Variants in ATP2C2 observed in about 807,000 individuals in gnomAD.
ATP2C2 encodes the protein calcium-transporting ATPase type 2C member 2.
In ATP2C2, 171 loss-of-function variants were observed where a neutral mutation model predicts 110.8. That is an observed-to-expected ratio of 1.54 (90% CI 1.36 to 1.75). The LOEUF (loss-of-function observed/expected upper bound fraction) is 1.75, where lower values mean the gene tolerates loss of function less well. Among genes scored for constraint, ATP2C2 ranks in the 40% most tolerant of loss-of-function variants. The pLI is 0.00. For synonymous variants in ATP2C2, 804 were observed against 508.4 expected (o/e 1.58, Z -7.82); for missense variants, 1,963 against 1,235.0 (o/e 1.59, Z -8.84).
intron 11 of ATP2C2, among the ~76,000 whole-genome samples, chr16:84,438,587 G>A (rs555467015): frequency 5.3e-5 from 8 of 152,178 alleles, no homozygotes; most frequent in African/African-American, 1.2e-4. Flanking sequence ...GGGTCGCACC[G>A]TACAGGGAGA....
rs115015273 is a variant in ATP2C2, at chr16:84,389,711, C to T, written c.100-8788C>T. Among the ~76,000 whole-genome samples, 345 of 143,824 alleles carry T rather than the reference C, an allele frequency of 2.4e-3. 1 individual carries two copies. Among genetic ancestry groups the T allele is most frequent in the African/African-American group, 8.4e-3 (327 of 39,152 alleles). 94.4% of individuals were successfully genotyped at this position (143,824 alleles called of 152,430 possible). A position where few individuals can be genotyped will look rare whatever the true frequency, so the allele number is the denominator to read the frequency against. On this transcript the variant is annotated intron_variant, in intron 1 of 26. Transcript: ENST00000262429. ...GGCTCTGTGCTGGGAACTTCACTCT[C>T]ACTGTTTCCTTTTTTTTTTTTTTTT...
rs1406995115 is a variant in ATP2C2, at chr16:84,446,789, G to A, written c.1503+359G>A. Among the ~76,000 whole-genome samples, 8 of 152,202 alleles carry A rather than the reference G, an allele frequency of 5.3e-5. No individual in the cohort carries two copies. In the East Asian group the frequency reaches 1.5e-3, roughly 29 times the overall value. ...TGCAGATTCTGATGCAGGTGCAAAT[G>A]TTGAGATCGACCAGCCTGTAATCCA... On this transcript the variant is annotated intron_variant, in intron 16 of 26. Transcript: ENST00000262429.
intron 24 of ATP2C2, chr16:84,461,024 G>C: frequency 1.7e-6 from 1 of 579,786 alleles, no homozygotes; most frequent in Non-Finnish European, 2.9e-6. Flanking sequence ...GAACTACAGA[G>C]GCCAGCGGGG....
chr16:84,370,780 A>T (rs758155881), intron 1 of ATP2C2, among the ~76,000 whole-genome samples: 1 of 151,648 alleles, frequency 6.6e-6, no homozygotes, highest in Non-Finnish European at 1.5e-5. Context: ...CACATCCAGG[A>T]TGCCTGTAGG....
In ATP2C2 at chr16:84,453,325, C is replaced by G; in HGVS notation, c.1934C>G (p.Ser645Cys). Reference protein sequence around the residue: ...GELADRVGKVSVFFRTSPKHK... With the variant: ...GELADRVGKVCVFFRTSPKHK... ...CTTCCCCGTCTCCGTGTCCAGGTGT[C>G]CGTGTTCTTCAGGACCAGCCCAAAG... Residue 645 changes from serine (S) to cysteine (C), a missense_variant, in exon 20 of 27, where the codon TCC becomes TGC. Physicochemically the swap from Ser to Cys is moderately radical, Grantham distance 112. Coordinates refer to ENST00000262429, the MANE Select transcript of ATP2C2 (RefSeq NM_014861.4). The G allele has an allele frequency of 1.2e-6, 2 of 1,614,148 alleles. No homozygotes were observed. Among genetic ancestry groups the G allele is most frequent in the Non-Finnish European group, 1.7e-6 (2 of 1,180,022 alleles).
chr16:84,400,241 T>A (rs12103239), intron 2 of ATP2C2, among the ~76,000 whole-genome samples: 1 of 151,974 alleles, frequency 6.6e-6, no homozygotes, highest in African/African-American at 2.4e-5. Flanking sequence ...AGTGCAGATA[T>A]CTCTTCAATA....
intron 24 of ATP2C2, chr16:84,461,458 G>C: frequency 3.4e-6 from 2 of 580,702 alleles, no homozygotes; most frequent in South Asian, 4.1e-5. Context: ...GTTACTTCCT[G>C]GAGGAAGTGG....
intron 1 of ATP2C2, among the ~76,000 whole-genome samples, chr16:84,387,746 CA>C (rs1567688479): frequency 6.6e-6 from 1 of 152,070 alleles, no homozygotes; most frequent in African/African-American, 2.4e-5. Context: ...GTGCGTCTCC[CA>C]AGACAGCCCT....
chr16:84,411,463 A>G lies in ATP2C2; in HGVS notation c.515+698A>G, dbSNP rs191062167. 1.5e-3 allele frequency among the ~76,000 whole-genome samples: 227 copies of G among 152,252 alleles called. 3 individuals carry two copies. Among genetic ancestry groups the G allele is most frequent in the Admixed American group, 0.013 (204 of 15,290 alleles). On this transcript the variant is annotated intron_variant, in intron 6 of 26. Transcript: ENST00000262429. ...AATTCTTTTTTTGTTGTTTTTTAAG[A>G]TAGAGTCTTGCTCTGTCGCCCAGGC... is the stretch of plus-strand genomic sequence containing the variant.
intron 1 of ATP2C2, among the ~76,000 whole-genome samples, chr16:84,382,112 T>G (rs974834826): frequency 6.6e-6 from 1 of 152,128 alleles, no homozygotes; most frequent in Non-Finnish European, 1.5e-5. Context: ...ATTAGTTATT[T>G]CTCCTAATGC....
chr16:84,458,709 C>A (rs1168669322), intron 21 of ATP2C2, among the ~76,000 whole-genome samples: 1 of 152,228 alleles, frequency 6.6e-6, no homozygotes, highest in Non-Finnish European at 1.5e-5. Flanking sequence ...TCCCTCCCTC[C>A]TTACCGTCCT....
rs762812962 is a variant in ATP2C2, at chr16:84,446,451, A to C, written c.1503+21A>C. The C allele has an allele frequency of 5.9e-6, 9 of 1,530,442 alleles. No individual in the cohort carries two copies. The East Asian group carries it at 2.1e-4, about 36-fold the overall frequency. The allele number at this position is 1,530,442 out of a possible 1,614,324, so 94.8% of individuals were successfully genotyped here. On this transcript the variant is annotated intron_variant, in intron 16 of 26. Transcript: ENST00000262429. ...CTGAGGTGAGACCTTTCAATCTTCAACCTCTTCTCTCTTTCTGCCCGGGCC... is the reference window on the plus strand; with the variant it reads ...CTGAGGTGAGACCTTTCAATCTTCACCCTCTTCTCTCTTTCTGCCCGGGCC...
At chr16:84,423,794 A>G (rs893825991) in intron 10 of ATP2C2, among the ~76,000 whole-genome samples, 1 of 152,230 alleles carries the variant, frequency 6.6e-6, no homozygotes. Context: ...AGACTGGGAA[A>G]TGTAGTTTAT....
At chr16:84,435,350 T>C (rs767040293) in intron 11 of ATP2C2, among the ~76,000 whole-genome samples, 13 of 152,244 alleles carry the variant, frequency 8.5e-5, no homozygotes, top group Admixed American at 6.5e-5. Flanking sequence ...TCTGATGAAA[T>C]GTGGTCTCTC....
At chr16:84,377,202 T>C (rs961506267) in intron 1 of ATP2C2, among the ~76,000 whole-genome samples, 1 of 151,442 alleles carries the variant, frequency 6.6e-6, no homozygotes, top group African/African-American at 2.4e-5. Flanking sequence ...GTAGTGGAAG[T>C]TGTGTGCTAA....
intron 1 of ATP2C2, among the ~76,000 whole-genome samples, chr16:84,390,319 C>T (rs952321539): frequency 6.6e-6 from 1 of 152,228 alleles, no homozygotes; most frequent in Non-Finnish European, 1.5e-5. Context: ...CTCACAGCTC[C>T]AACTCACCTT....
intron 18 of ATP2C2, among the ~76,000 whole-genome samples, chr16:84,452,526 T>A (rs1439105576): frequency 8.3e-6 from 1 of 120,636 alleles, no homozygotes; most frequent in Non-Finnish European, 1.7e-5. Flanking sequence ...TGAGATGGAG[T>A]CTTGTTCTGT....
chr16:84,442,956 C>A (rs1774975151), intron 15 of ATP2C2, among the ~76,000 whole-genome samples: 1 of 152,104 alleles, frequency 6.6e-6, no homozygotes, highest in Non-Finnish European at 1.5e-5. Flanking sequence ...CTGGGAGGGG[C>A]TGGTTCCTGG....
At chr16:84,421,865 C>T (rs1008866870) in intron 7 of ATP2C2, among the ~76,000 whole-genome samples, 12 of 152,156 alleles carry the variant, frequency 7.9e-5, no homozygotes, top group African/African-American at 2.2e-4. Flanking sequence ...GAGCTGCGCA[C>T]AGGGCCTGGT....
Sources: gnomAD v4.1 joint callset for allele counts (sites outside exome capture counted in the v4.1 genomes callset) on GRCh38, gnomAD v4.1.1 for gene constraint, MANE v1.5 for transcripts, NCBI Gene and HGNC (gene_info 2026-07-23, HGNC 2026-07-21) for gene names.